Variants in CHEK1 observed in about 807,000 individuals in gnomAD.
CHEK1 encodes the protein serine/threonine-protein kinase Chk1.
CHEK1 carries 32 observed loss-of-function variants against 60.2 expected under a neutral mutation model. The ratio of observed to expected loss-of-function variants is 0.53; its 90% CI spans 0.40 to 0.71. The LOEUF is 0.71. Ranked by LOEUF, CHEK1 falls within the 30% of genes least tolerant of loss-of-function variation. The probability of loss-of-function intolerance (pLI) is 0.00; values close to 1 mark genes in which losing one functional copy is unlikely to be tolerated. For missense variants in CHEK1, 399 were observed against 564.6 expected (o/e 0.71, Z 2.97); for synonymous variants, 179 against 187.2 (o/e 0.96, Z 0.36).
At chr11:125,678,284 C>T (rs1942623926), downstream of CHEK1, 1 of 1,613,582 alleles carries the variant, frequency 6.2e-7, no homozygotes, top group African/African-American at 1.3e-5. Flanking sequence ...GCTCATTAGG[C>T]TGACTTGATG....
At chr11:125,650,031 A>T (rs1398369892) in intron 11 of CHEK1, 1 of 151,816 alleles carries the variant, frequency 6.6e-6, no homozygotes, top group African/African-American at 2.4e-5. Context: ...ACTATGGTGT[A>T]TCTTGGTGTG....
chr11:125,661,931 A>G (rs1436280361), downstream of CHEK1, among the ~76,000 whole-genome samples: 1 of 152,138 alleles, frequency 6.6e-6, no homozygotes. Flanking sequence ...AGTTTTCCCC[A>G]CTGGTATCCA....
intron 2 of CHEK1, 118 bp downstream of exon 2, chr11:125,626,951 T>C: frequency 9.3e-7 from 1 of 1,074,912 alleles, no homozygotes; most frequent in Non-Finnish European, 1.4e-6. Flanking sequence ...CAACTGAAGT[T>C]ACACAGCCTT....
At chr11:125,666,477 G>GT (rs1942102643) in intron 13 of CHEK1, among the ~76,000 whole-genome samples, 1 of 152,172 alleles carries the variant, frequency 6.6e-6, no homozygotes, top group Non-Finnish European at 1.5e-5. Flanking sequence ...GTATTCTGCA[G>GT]TAGTTGGATG....
chr11:125,659,709 A>G (rs1177145686), downstream of CHEK1, among the ~76,000 whole-genome samples: 1 of 152,228 alleles, frequency 6.6e-6, no homozygotes, highest in Admixed American at 6.5e-5. Context: ...ATATTCACAT[A>G]GCTTAAAATT....
intron 5 of CHEK1, among the ~76,000 whole-genome samples, chr11:125,630,640 G>T (rs948416985): frequency 2.0e-5 from 3 of 152,010 alleles, no homozygotes; most frequent in Admixed American, 2.0e-4. Flanking sequence ...TGTGCATATG[G>T]ATTTTACTTT....
At chr11:125,652,492 T>A (rs1211450541) in intron 11 of CHEK1, among the ~76,000 whole-genome samples, 1 of 152,224 alleles carries the variant, frequency 6.6e-6, no homozygotes, top group Non-Finnish European at 1.5e-5. Context: ...CTTTGATTGT[T>A]TCTTCTTTCA....
In CHEK1 at chr11:125,644,132, G is replaced by A. The variant is rs761313560; in HGVS notation, c.965G>A (p.Arg322His). Reference protein sequence around the residue: ...VKYSSSQPEPRTGLSLWDTSP... With the variant: ...VKYSSSQPEPHTGLSLWDTSP... ...TACTCCAGTTCTCAGCCAGAACCCC[G>A]CACAGGTCTTTCCTTATGGGATACC... The change falls in exon 10 of 13, where the codon CGC (arginine) becomes CAC (histidine). Residue 322 changes from arginine to histidine, a missense_variant. Arg to His is a conservative substitution (Grantham distance 29). Transcript: ENST00000438015. 36 of 1,613,908 alleles carry A rather than the reference G, an allele frequency of 2.2e-5. No individual in the cohort carries two copies. In the South Asian group the frequency reaches 2.7e-4, roughly 12 times the overall value.
At chr11:125,626,903 G>C in intron 2 of CHEK1, 70 bp downstream of exon 2, 2 of 1,488,004 alleles carry the variant, frequency 1.3e-6, no homozygotes, top group Non-Finnish European at 1.9e-6. Context: ...ACACTCTGGT[G>C]ATTTAGAAAG....
Position 125,641,820 on chromosome 11 carries a change from A to G in CHEK1, c.815-1972A>G, listed in dbSNP as rs969994019. Among the ~76,000 whole-genome samples, 12 of 151,104 alleles carry G rather than the reference A, an allele frequency of 7.9e-5. No individual in the cohort carries two copies. The East Asian group carries it at 1.8e-3, about 22-fold the overall frequency. On this transcript the variant is annotated intron_variant, in intron 8 of 12. Transcript: ENST00000438015. ...TTTTTTTTACCTCTACTGTTACCCTATCATTCCAAATTACCATGATATCTT... is the reference window on the plus strand; with the variant it reads ...TTTTTTTTACCTCTACTGTTACCCTGTCATTCCAAATTACCATGATATCTT...
At chr11:125,668,806 G>A (rs1190242729) in intron 13 of CHEK1, among the ~76,000 whole-genome samples, 2 of 152,030 alleles carry the variant, frequency 1.3e-5, no homozygotes, top group Admixed American at 1.3e-4. Context: ...ATCCTCCCAT[G>A]TCAGCCTCCT....
At chr11:125,651,031 C>T (rs1941707044) in intron 11 of CHEK1, among the ~76,000 whole-genome samples, 1 of 152,010 alleles carries the variant, frequency 6.6e-6, no homozygotes, top group South Asian at 2.1e-4. Context: ...ATATGTACTG[C>T]CCTGGTCATG....
chr11:125,631,514 A>T (rs891197735), intron 5 of CHEK1, among the ~76,000 whole-genome samples: 1 of 152,146 alleles, frequency 6.6e-6, no homozygotes, highest in South Asian at 2.1e-4. Context: ...ATTACTACTC[A>T]TAAGTAATTT....
chr11:125,652,437 T>C (rs921395253), intron 11 of CHEK1, among the ~76,000 whole-genome samples: 3 of 152,244 alleles, frequency 2.0e-5, no homozygotes, highest in African/African-American at 7.2e-5. Context: ...CCTTTTTCTT[T>C]CTCACATTTT....
intron 13 of CHEK1, among the ~76,000 whole-genome samples, chr11:125,675,369 CATA>C (rs150728914): frequency 1.3e-5 from 2 of 152,110 alleles, no homozygotes; most frequent in African/African-American, 4.8e-5. Context: ...TACATTATAA[CATA>C]ATCTCTTTGT....
At chr11:125,643,961 T>C (rs1941398942) in intron 9 of CHEK1, 61 bp downstream of exon 9, 3 of 1,526,768 alleles carry the variant, frequency 2.0e-6, no homozygotes, top group Non-Finnish European at 2.7e-6. Flanking sequence ...GAATAATACA[T>C]GTATGTGTTT....
chr11:125,680,748 A>G (rs747915447), downstream of CHEK1: 3 of 1,613,798 alleles, frequency 1.9e-6, no homozygotes, highest in Admixed American at 5.0e-5. Context: ...ATCCAAGCAG[A>G]TAAAGACTCA....
intron 7 of CHEK1, among the ~76,000 whole-genome samples, chr11:125,636,901 T>C (rs1229936715): frequency 6.6e-6 from 1 of 152,186 alleles, no homozygotes; most frequent in Non-Finnish European, 1.5e-5. Context: ...AAAAGTTCCC[T>C]ATGTTTTCAT....
intron 11 of CHEK1, among the ~76,000 whole-genome samples, chr11:125,647,373 T>G (rs1355508450): frequency 6.6e-6 from 1 of 152,110 alleles, no homozygotes; most frequent in Non-Finnish European, 1.5e-5. Flanking sequence ...GACTCAATTC[T>G]TTTATTTCAT....
Sources: gnomAD v4.1 joint callset for allele counts (sites outside exome capture counted in the v4.1 genomes callset) on GRCh38, gnomAD v4.1.1 for gene constraint, MANE v1.5 for transcripts, NCBI Gene and HGNC (gene_info 2026-07-23, HGNC 2026-07-21) for gene names.